Variants in CLPX observed in about 807,000 individuals in gnomAD.
The protein encoded by CLPX is ATP-dependent clpX-like chaperone, mitochondrial.
A neutral mutation model predicts 76.4 loss-of-function variants in CLPX; 34 were observed. That is an observed-to-expected ratio of 0.45 (90% confidence interval 0.34 to 0.59). The LOEUF (loss-of-function observed/expected upper bound fraction) is 0.59, where lower values mean the gene tolerates loss of function less well. Among genes scored for constraint, CLPX ranks in the 20% least tolerant of loss-of-function variants. CLPX has a pLI of 0.01. For synonymous variants in CLPX, 248 were observed against 270.9 expected (o/e 0.92, Z 0.83); for missense variants, 613 against 757.0 (o/e 0.81, Z 2.23).
At chr15:65,167,636 G>A (rs2087933968) in intron 3 of CLPX, among the ~76,000 whole-genome samples, 1 of 151,780 alleles carries the variant, frequency 6.6e-6, no homozygotes, top group African/African-American at 2.4e-5. Flanking sequence ...AGCACTTTGG[G>A]AGACTGAGGC....
intron 4 of CLPX, 87 bp downstream of exon 4, chr15:65,166,544 A>G (rs774444570): frequency 3.7e-6 from 5 of 1,352,060 alleles, no homozygotes; most frequent in Non-Finnish European, 5.2e-6. Flanking sequence ...ATATACTAGT[A>G]TTAGGATTCA....
rs117517219 is a variant in CLPX, at chr15:65,158,719, C to T, written c.748G>A (p.Gly250Ser). 6,985 of 1,605,000 alleles carry T rather than the reference C, an allele frequency of 4.4e-3. 26 individuals are homozygous for T. The highest frequency in any genetic ancestry group is 5.6e-3 in the Non-Finnish European group (6,588 of 1,176,254). The part of the protein sequence containing the change: ...LLQIAGISPH[G>S]NALGASMQQQ... ...TGCATTGATGCTCCTAAAGCATTAC[C>T]ATGTGGGCTAATTCCAGCAATCTGA... The change falls in exon 7 of 14, where the codon GGT becomes AGT. Residue 250 changes from glycine to serine, a missense_variant. By Grantham distance (56) the Gly-to-Ser change is moderately conservative. Coordinates refer to ENST00000300107, the MANE Select transcript of CLPX (RefSeq NM_006660.5).
rs1384992227 is a variant in CLPX at position 65,149,020 on chromosome 15, G to A, written c.*1803C>T. 1 of 152,108 alleles carries A rather than the reference G, an allele frequency of 6.6e-6. No homozygotes were observed. Among genetic ancestry groups the A allele is most frequent in the African/African-American group, 2.4e-5 (1 of 41,418 alleles). The allele number at this position is 152,108 out of a possible 1,614,324, so 9.4% of individuals were successfully genotyped here. A position where few individuals can be genotyped will look rare whatever the true frequency, so the allele number is the denominator to read the frequency against. On this transcript the variant is annotated 3_prime_UTR_variant, in exon 14 of 14. Transcript: ENST00000300107. ...TAGCAAAACATAGATTTTTTAAAAT[G>A]TTCTAAGAAGCCAAAGAATTAGACC...
At chr15:65,170,490 C>T (rs766815867) in intron 3 of CLPX, among the ~76,000 whole-genome samples, 5 of 152,078 alleles carry the variant, frequency 3.3e-5, no homozygotes, top group African/African-American at 7.2e-5. Context: ...TTAGGCTGAG[C>T]GGGGTGGCTC....
At chr15:65,170,530 C>T (rs1273206588) in intron 3 of CLPX, among the ~76,000 whole-genome samples, 3 of 151,782 alleles carry the variant, frequency 2.0e-5, no homozygotes, top group Non-Finnish European at 2.9e-5. Context: ...TTTGGGAGGC[C>T]GAGGCGGGTG....
chr15:65,156,602 G>T, intron 9 of CLPX: 2 of 441,028 alleles, frequency 4.5e-6, no homozygotes, highest in Non-Finnish European at 8.0e-6. Context: ...AAAAAAAAAA[G>T]ATTAAATTTC....
intron 6 of CLPX, 107 bp from the exon 7 acceptor site, chr15:65,158,858 A>T: frequency 1.1e-6 from 1 of 929,864 alleles, no homozygotes; most frequent in Non-Finnish European, 1.6e-6. Context: ...AGAAAAATTT[A>T]AGTATTTTGA....
intron 3 of CLPX, among the ~76,000 whole-genome samples, chr15:65,168,383 C>CAAAAAA (rs71136319): frequency 0.012 from 415 of 35,654 alleles, 85 homozygotes; most frequent in African/African-American, 0.032. Context: ...GACTCTGTCT[C>CAAAAAA]AAAAAAAAAA....
rs767542389 is a variant in CLPX, at chr15:65,166,619, T to TAA, written c.513+10_513+11dup. On this transcript the variant is annotated intron_variant, in intron 4 of 13. Transcript: ENST00000300107. ...GATAAAATACTTGTAAGACTGAGCT[T>TAA]AAGACTTATACCTTCTTAGGGGGAG... 7.4e-6 allele frequency: 12 copies of TAA among 1,613,030 alleles called. No individual in the cohort carries two copies. The African/African-American group carries it at 1.1e-4, about 14-fold the overall frequency.
rs202128344 is a variant in CLPX, at chr15:65,185,033, C to A, written c.79+42G>T. 4.1e-5 allele frequency: 62 copies of A among 1,515,264 alleles called. No homozygotes were observed. In the East Asian group the frequency reaches 4.7e-4, roughly 11 times the overall value. The allele number at this position is 1,515,264 out of a possible 1,614,324, so 93.9% of individuals were successfully genotyped here. ...CCAACCATTGGCCAGTCCACCCCCC[C>A]CCCGACAGGCTGAGGGCTCAGGAGT... On this transcript the variant is annotated intron_variant, in intron 1 of 13. Coordinates refer to ENST00000300107, the MANE Select transcript of CLPX (RefSeq NM_006660.5).
intron 3 of CLPX, among the ~76,000 whole-genome samples, chr15:65,170,050 C>T (rs776543157): frequency 1.3e-5 from 2 of 151,938 alleles, no homozygotes; most frequent in East Asian, 1.9e-4. Context: ...CATGAGCCAC[C>T]GCACCCAGCG....
chr15:65,180,366 C>T (rs2140650991), intron 1 of CLPX, among the ~76,000 whole-genome samples, 162 bp from the exon 2 acceptor site: 1 of 152,234 alleles, frequency 6.6e-6, no homozygotes, highest in Admixed American at 6.5e-5. Context: ...AAAGTCCTTT[C>T]AAAAACAGGC....
intron 3 of CLPX, among the ~76,000 whole-genome samples, chr15:65,176,809 G>C (rs977291735): frequency 6.6e-6 from 1 of 151,696 alleles, no homozygotes; most frequent in Non-Finnish European, 1.5e-5. Flanking sequence ...TGGCCAGGCT[G>C]GTCTTGAACG....
rs1323049446 is a variant in CLPX at position 65,185,108 on chromosome 15, G to C, written c.46C>G (p.Leu16Val). 2 of 1,583,952 alleles carry C rather than the reference G, an allele frequency of 1.3e-6. No homozygotes were observed. The highest frequency in any genetic ancestry group is 1.7e-6 in the Non-Finnish European group (2 of 1,166,094). Residue 16 changes from leucine (L) to valine (V), a missense_variant, in exon 1 of 14, where the codon CTC becomes GTC. By Grantham distance (32) the Leu-to-Val change is conservative. Transcript: ENST00000300107. ...GCGGAGGCGAGTGAGGAGGTGATGA[G>C]CCGGACGGCCGCCGCGCCGCAAGTA... ...ACTCGAAAVR[L>V]ITSSLASAQR...
chr15:65,174,466 T>C (rs777523250), intron 3 of CLPX, among the ~76,000 whole-genome samples: 2 of 151,524 alleles, frequency 1.3e-5, no homozygotes, highest in Non-Finnish European at 2.9e-5. Context: ...GGTTTCACCA[T>C]GTTGGTCAGG....
intron 1 of CLPX, among the ~76,000 whole-genome samples, chr15:65,182,730 CA>C (rs1566988255): frequency 6.6e-6 from 1 of 151,916 alleles, no homozygotes; most frequent in African/African-American, 2.4e-5. Context: ...CTCTGAAAGC[CA>C]AAAAAGAGAA....
chr15:65,185,237 C>T lies in CLPX; in HGVS notation c.-84G>A. 1.6e-6 allele frequency: 2 copies of T among 1,214,078 alleles called. No homozygotes were observed. The highest frequency in any genetic ancestry group is 2.5e-5 in the East Asian group (1 of 39,324). The allele number at this position is 1,214,078 out of a possible 1,614,324, so 75.2% of individuals were successfully genotyped here. On this transcript the variant is annotated 5_prime_UTR_variant, in exon 1 of 14. Coordinates refer to ENST00000300107, the MANE Select transcript of CLPX (RefSeq NM_006660.5). ...GAATCCTGCCCGCAAGGCGCGCTGACTCGGTTCCGAACCCTTTCGCGGGCC... is the reference window on the plus strand; with the variant it reads ...GAATCCTGCCCGCAAGGCGCGCTGATTCGGTTCCGAACCCTTTCGCGGGCC...
intron 13 of CLPX, among the ~76,000 whole-genome samples, chr15:65,151,955 AG>A (rs2087726187): frequency 1.3e-5 from 2 of 152,064 alleles, no homozygotes; most frequent in African/African-American, 4.8e-5. Flanking sequence ...TTTGAGACTG[AG>A]TCTCACTTTG....
At chr15:65,183,493 A>C (rs1480360884) in intron 1 of CLPX, among the ~76,000 whole-genome samples, 6 of 149,594 alleles carry the variant, frequency 4.0e-5, no homozygotes, top group Non-Finnish European at 8.9e-5. Flanking sequence ...GAAAGAAAAT[A>C]AGACAGACAG....
Sources: gnomAD v4.1 joint callset for allele counts (sites outside exome capture counted in the v4.1 genomes callset) on GRCh38, gnomAD v4.1.1 for gene constraint, MANE v1.5 for transcripts, NCBI Gene and HGNC (gene_info 2026-07-23, HGNC 2026-07-21) for gene names.